The following TCF12 variants were observed in gnomAD, a reference collection of about 807,000 sequenced individuals.
TCF12 encodes DNA-binding protein HTF4.
In TCF12, 45 loss-of-function variants were observed where a neutral mutation model predicts 86.0. The ratio of observed to expected loss-of-function variants is 0.52; its 90% confidence interval spans 0.41 to 0.67. The LOEUF is 0.67. TCF12 is among the 30% of genes least tolerant of loss of function. The pLI, the probability that TCF12 is intolerant of heterozygous loss-of-function variation, is 0.00. For synonymous variants in TCF12, 330 were observed against 299.6 expected, an observed-to-expected ratio of 1.10 and a Z score of -1.05; for missense variants, 881 against 859.9, an observed-to-expected ratio of 1.02 and a Z score of -0.31.
At chr15:56,996,843 A>G (rs919574556) in intron 3 of TCF12, among the ~76,000 whole-genome samples, 1 of 152,246 alleles carries the variant, frequency 6.6e-6, no homozygotes, top group Non-Finnish European at 1.5e-5. Context: ...AAAAGAAGAC[A>G]TACAAGTAGC....
chr15:57,152,135 A>C (rs2053806054), intron 5 of TCF12, among the ~76,000 whole-genome samples: 1 of 152,226 alleles, frequency 6.6e-6, no homozygotes, highest in Admixed American at 6.5e-5. Context: ...ACACCAAGCT[A>C]AACTCCTAAC....
chr15:57,077,373 G>T (rs3111101), intron 4 of TCF12, among the ~76,000 whole-genome samples: 2 of 101,814 alleles, frequency 2.0e-5, no homozygotes, highest in South Asian at 3.1e-4. Flanking sequence ...GTGTGTGTGT[G>T]TATATATATT....
chr15:56,964,480 C>T (rs1595882163), intron 3 of TCF12, among the ~76,000 whole-genome samples: 1 of 152,290 alleles, frequency 6.6e-6, no homozygotes, highest in East Asian at 1.9e-4. Flanking sequence ...TTCATGCTTG[C>T]TTCCCAGCCA....
At chr15:56,959,287 T>G (rs16977165) in intron 3 of TCF12, among the ~76,000 whole-genome samples, 7,212 of 152,294 alleles carry the variant, frequency 0.047, 520 homozygotes, top group East Asian at 0.29. Flanking sequence ...TATAATAACC[T>G]GTGAGTATCC....
chr15:57,262,159 C>G lies in TCF12; in HGVS notation c.1533C>G (p.Val511=). The G allele has an allele frequency of 6.2e-7, 1 of 1,613,624 alleles. No homozygotes were observed. Among genetic ancestry groups the G allele is most frequent in the Non-Finnish European group, 8.5e-7 (1 of 1,179,666 alleles). Residue 511 remains valine (V), a synonymous_variant, in exon 17 of 21, where the codon GTC becomes GTG. Coordinates refer to ENST00000333725, the MANE Select transcript of TCF12 (RefSeq NM_207037.2). The part of the protein sequence containing the change: ...NGNHSVLSST[V]TTSSTDLNHK... The stretch of plus-strand genomic sequence containing the variant: ...ATCATTCAGTCCTGTCTAGTACAGT[C>G]ACTACTTCAAGCACAGACCTGAACC...
intron 3 of TCF12, among the ~76,000 whole-genome samples, chr15:56,966,105 A>T (rs1334138182): frequency 6.6e-6 from 1 of 152,158 alleles, no homozygotes; most frequent in South Asian, 2.1e-4. Flanking sequence ...ATTATATGCT[A>T]ATCTTTTTAC....
intron 8 of TCF12, among the ~76,000 whole-genome samples, chr15:57,208,033 C>CTT (rs201258233): frequency 1.3e-3 from 174 of 137,096 alleles, no homozygotes; most frequent in Non-Finnish European, 1.8e-3. Flanking sequence ...CTTCAAGATT[C>CTT]TTTTTTTTTT....
chr15:57,243,082 A>G (rs1239567203), intron 12 of TCF12, among the ~76,000 whole-genome samples: 6 of 152,206 alleles, frequency 3.9e-5, no homozygotes, highest in Admixed American at 3.9e-4. Flanking sequence ...GACCATTCTA[A>G]AAGATAGTAT....
chr15:57,242,068 C>T (rs1351022771), intron 12 of TCF12, among the ~76,000 whole-genome samples: 1 of 151,658 alleles, frequency 6.6e-6, no homozygotes, highest in Non-Finnish European at 1.5e-5. Flanking sequence ...AATAATCTGG[C>T]TTTGTCAAAT....
rs78861322 is a variant in TCF12 at position 56,969,301 on chromosome 15, G to C, written c.148+48203G>C. Among the ~76,000 whole-genome samples the C allele has an allele frequency of 8.1e-3, 1,226 of 152,258 alleles. 11 individuals are homozygous for C. Among genetic ancestry groups the C allele is most frequent in the South Asian group, 0.029 (140 of 4,826 alleles). On this transcript the variant is annotated intron_variant, in intron 3 of 20. Coordinates refer to ENST00000333725, the MANE Select transcript of TCF12 (RefSeq NM_207037.2). Reference sequence around the variant, plus strand: ...GTAGGATCACTCTGGCTGCTGTGTAGAGAATAGGGTAGAAAGAAGAGACCA... The same window carrying C: ...GTAGGATCACTCTGGCTGCTGTGTACAGAATAGGGTAGAAAGAAGAGACCA...
intron 16 of TCF12, among the ~76,000 whole-genome samples, chr15:57,256,529 A>G (rs2060353113): frequency 6.6e-6 from 1 of 151,786 alleles, no homozygotes; most frequent in Non-Finnish European, 1.5e-5. Context: ...GTGGTTTTAC[A>G]TTCTGGAATC....
intron 6 of TCF12, among the ~76,000 whole-genome samples, chr15:57,189,622 G>T (rs1224954267): frequency 1.3e-5 from 2 of 152,166 alleles, no homozygotes; most frequent in African/African-American, 4.8e-5. Context: ...TGGAACCCTT[G>T]CACATTGCTA....
chr15:56,937,984 G>A (rs1363264577), intron 3 of TCF12, among the ~76,000 whole-genome samples: 1 of 113,876 alleles, frequency 8.8e-6, no homozygotes, highest in African/African-American at 3.4e-5. Flanking sequence ...TTGCATCTAT[G>A]TTCATCAGTG....
intron 5 of TCF12, among the ~76,000 whole-genome samples, chr15:57,137,406 T>C (rs2052630787): frequency 6.6e-6 from 1 of 152,244 alleles, no homozygotes; most frequent in Non-Finnish European, 1.5e-5. Context: ...TTTTCCACTT[T>C]GGTAAAAGTT....
At chr15:56,951,311 A>G (rs188183136) in intron 3 of TCF12, among the ~76,000 whole-genome samples, 139 of 152,258 alleles carry the variant, frequency 9.1e-4, no homozygotes, top group Non-Finnish European at 8.2e-4. Flanking sequence ...GATGTTGAGT[A>G]TCTTTTCATA....
intron 3 of TCF12, among the ~76,000 whole-genome samples, chr15:57,051,127 T>G (rs566111931): frequency 6.6e-6 from 1 of 152,300 alleles, no homozygotes; most frequent in Non-Finnish European, 1.5e-5. Flanking sequence ...TTTGCTCTGG[T>G]AGGTAGTTAA....
chr15:57,094,297 G>C (rs2151131809), intron 5 of TCF12, among the ~76,000 whole-genome samples: 1 of 152,266 alleles, frequency 6.6e-6, no homozygotes, highest in East Asian at 1.9e-4. Flanking sequence ...AGGTTCAAAA[G>C]AAATTCACTG....
At chr15:57,096,910 A>G (rs1482004930) in intron 5 of TCF12, among the ~76,000 whole-genome samples, 2 of 152,168 alleles carry the variant, frequency 1.3e-5, no homozygotes, top group Admixed American at 6.5e-5. Flanking sequence ...AAGCAGACCA[A>G]GTGTCTTCCC....
intron 3 of TCF12, among the ~76,000 whole-genome samples, chr15:56,993,310 G>A (rs535985222): frequency 6.6e-6 from 1 of 152,268 alleles, no homozygotes; most frequent in East Asian, 1.9e-4. Flanking sequence ...TGGCAGCAGA[G>A]ACTACAGCAG....
Sources: gnomAD v4.1 joint callset for allele counts (sites outside exome capture counted in the v4.1 genomes callset) on GRCh38, gnomAD v4.1.1 for gene constraint, MANE v1.5 for transcripts, NCBI Gene and HGNC (gene_info 2026-07-23, HGNC 2026-07-21) for gene names.